The following ADGRD1 variants were observed in gnomAD, a reference collection of about 807,000 sequenced individuals.
ADGRD1 encodes the protein adhesion G protein-coupled receptor D1.
In ADGRD1, 77 loss-of-function variants were observed where a neutral mutation model predicts 113.4. That is an observed-to-expected ratio of 0.68 (90% CI 0.57 to 0.82). The LOEUF is 0.82. ADGRD1 is among the 40% of genes least tolerant of loss of function. ADGRD1 has a pLI of 0.00. For missense variants in ADGRD1, 1,036 were observed against 1,139.1 expected (o/e 0.91, Z 1.30); for synonymous variants, 474 against 475.0 (o/e 1.00, Z 0.03).
At chr12:131,099,231 G>A (rs941602954) in intron 15 of ADGRD1, among the ~76,000 whole-genome samples, 1 of 152,178 alleles carries the variant, frequency 6.6e-6, no homozygotes, top group Non-Finnish European at 1.5e-5. Context: ...TCCTGCCCAA[G>A]CATTGAGGCC....
intron 14 of ADGRD1, among the ~76,000 whole-genome samples, chr12:131,081,783 T>C (rs1358115213): frequency 2.0e-5 from 3 of 152,036 alleles, no homozygotes; most frequent in Admixed American, 6.6e-5. Context: ...TTGTCTAGTA[T>C]CATACTCCTT....
rs1052030157 is a variant in ADGRD1 at position 130,991,012 on chromosome 12, A to C, written c.746-2A>C. ...TCCTTAATCCAGCATTGTTTCTTCCAGGAAAGCATGCTTTATTGTCTTCAA... is the reference window on the plus strand; with the variant it reads ...TCCTTAATCCAGCATTGTTTCTTCCCGGAAAGCATGCTTTATTGTCTTCAA... On this transcript the variant is annotated splice_acceptor_variant, in intron 6 of 24. Transcript: ENST00000261654. LOFTEE classifies it high-confidence loss of function. 7.4e-6 allele frequency: 12 copies of C among 1,613,648 alleles called. No homozygotes were observed. Among genetic ancestry groups the C allele is most frequent in the African/African-American group, 2.7e-5 (2 of 74,930 alleles).
At chr12:131,103,602 T>C (rs530631786) in intron 15 of ADGRD1, among the ~76,000 whole-genome samples, 4 of 152,262 alleles carry the variant, frequency 2.6e-5, no homozygotes, top group Non-Finnish European at 5.9e-5. Flanking sequence ...TGGGGCCCCC[T>C]GGGCCTGCGG....
chr12:131,136,705 G>A (rs1951096883), intron 22 of ADGRD1, among the ~76,000 whole-genome samples: 1 of 152,214 alleles, frequency 6.6e-6, no homozygotes, highest in African/African-American at 2.4e-5. Context: ...CCTTGCCCAC[G>A]CTGAGCCTGC....
intron 23 of ADGRD1, 85 bp from the exon 24 acceptor site, chr12:131,138,052 C>A: frequency 9.5e-7 from 1 of 1,055,440 alleles, no homozygotes; most frequent in Non-Finnish European, 1.5e-6. Context: ...ACATCTGGTT[C>A]CGGAGTTGCA....
At chr12:131,102,283 C>T (rs907927640) in intron 15 of ADGRD1, among the ~76,000 whole-genome samples, 4 of 152,192 alleles carry the variant, frequency 2.6e-5, no homozygotes, top group Non-Finnish European at 5.9e-5. Flanking sequence ...AGCTCTTGGC[C>T]CGTCGGTCTG....
chr12:131,116,477 T>C (rs556745248), intron 18 of ADGRD1, among the ~76,000 whole-genome samples: 1 of 142,188 alleles, frequency 7.0e-6, no homozygotes, highest in East Asian at 1.9e-4. Context: ...AACCCTGATG[T>C]TTGGAAGGGC....
At chr12:131,077,666 G>A (rs1014347697) in intron 14 of ADGRD1, among the ~76,000 whole-genome samples, 1 of 152,206 alleles carries the variant, frequency 6.6e-6, no homozygotes, top group African/African-American at 2.4e-5. Context: ...GGCCCCTGGG[G>A]CTTGTTCCAT....
intron 20 of ADGRD1, among the ~76,000 whole-genome samples, chr12:131,123,039 G>GTTTTTTTTTTTTTTTTTTTTTTTTTTTTT (rs552353187): frequency 2.7e-4 from 14 of 51,364 alleles, no homozygotes; most frequent in Non-Finnish European, 4.3e-4. Flanking sequence ...TACCTGGGGA[G>GTTTTTTTTTTTTTTTTTTTTTTTTTTTTT]TTTTTTTTTT....
chr12:131,022,211 C>T lies in ADGRD1; in HGVS notation c.1473+7871C>T, dbSNP rs1489582832. Among the ~76,000 whole-genome samples the T allele has an allele frequency of 2.0e-5, 3 of 152,026 alleles. No individual in the cohort carries two copies. Among genetic ancestry groups the T allele is most frequent in the African/African-American group, 4.8e-5 (2 of 41,396 alleles). On this transcript the variant is annotated intron_variant, in intron 13 of 24. Transcript: ENST00000261654. This position sits in a 1 kb window ranked among gnomAD's most constrained non-coding sequence, Gnocchi z 4.6. ...ATGGGATGTGAATGCTCATTGTTGC[C>T]GGTAACGCTCACGTGGATGGCATGA...
chr12:131,106,025 G>A (rs991010684), intron 17 of ADGRD1, among the ~76,000 whole-genome samples, 160 bp downstream of exon 17: 4 of 151,828 alleles, frequency 2.6e-5, no homozygotes, highest in South Asian at 2.1e-4. Flanking sequence ...AGATCGTGAC[G>A]TGCATGAGCT....
At chr12:131,044,090 T>C (rs1358607004) in intron 13 of ADGRD1, among the ~76,000 whole-genome samples, 2 of 152,188 alleles carry the variant, frequency 1.3e-5, no homozygotes, top group Non-Finnish European at 1.5e-5. Flanking sequence ...GAGGTTCTAA[T>C]TGGGTTTCCA....
intron 12 of ADGRD1, among the ~76,000 whole-genome samples, chr12:131,012,992 C>A (rs71468467): frequency 0.079 from 11,959 of 152,266 alleles, 633 homozygotes; most frequent in Middle Eastern, 0.12. Flanking sequence ...TGCTGTGTGC[C>A]AGGCAGGGCT....
Position 131,139,808 on chromosome 12 carries a change from GGT to G in ADGRD1, c.*552_*553del, listed in dbSNP as rs1445301082. On this transcript the variant is annotated 3_prime_UTR_variant, in exon 25 of 25. Transcript: ENST00000261654. ...GTTCCCCACAGCCGGCGCTAGCCGT[GGT>G]GTGTGTCTCTGTAGGTGGTGCCGGC... 2.0e-5 allele frequency: 3 copies of G among 153,562 alleles called. No individual in the cohort carries two copies. The highest frequency in any genetic ancestry group is 4.8e-5 in the African/African-American group (2 of 41,490). 9.5% of individuals were successfully genotyped at this position (153,562 alleles called of 1,614,324 possible).
At chr12:130,996,634 C>T (rs1346259779) in intron 8 of ADGRD1, among the ~76,000 whole-genome samples, 35 of 104,940 alleles carry the variant, frequency 3.3e-4, no homozygotes, top group Non-Finnish European at 5.6e-4. Context: ...ACCTCCCGGA[C>T]GAGGCGGCTG....
intron 6 of ADGRD1, chr12:130,989,873 C>T (rs71468463): frequency 0.09 from 13,685 of 152,366 alleles, 797 homozygotes; most frequent in Middle Eastern, 0.14. Context: ...TGGACAGCAG[C>T]TCTTTCTGTA....
chr12:130,976,173 T>A (rs946199784), intron 4 of ADGRD1, among the ~76,000 whole-genome samples: 1 of 152,116 alleles, frequency 6.6e-6, no homozygotes, highest in Non-Finnish European at 1.5e-5. Context: ...AGTTTTAGGA[T>A]AGAAATTTCC....
chr12:131,127,012 G>A (rs559455005), intron 20 of ADGRD1, among the ~76,000 whole-genome samples: 1 of 151,390 alleles, frequency 6.6e-6, no homozygotes, highest in African/African-American at 2.4e-5. Flanking sequence ...CAGGATTGGA[G>A]GCCATGGTGA....
intron 13 of ADGRD1, among the ~76,000 whole-genome samples, chr12:131,051,545 G>A (rs928705663): frequency 2.7e-5 from 4 of 150,032 alleles, no homozygotes; most frequent in Non-Finnish European, 3.0e-5. Context: ...GGGCAGTGGC[G>A]ATATCTTGGC....
Sources: allele counts gnomAD v4.1 joint callset (sites outside exome capture counted in the v4.1 genomes callset), GRCh38; gene constraint gnomAD v4.1.1; non-coding constraint Gnocchi (gnomAD v3.1); transcripts MANE v1.5; gene names NCBI Gene and HGNC (gene_info 2026-07-23, HGNC 2026-07-21).